Variants in METTL9 observed in about 807,000 individuals in gnomAD.
METTL9 encodes protein-L-histidine N-pros-methyltransferase.
A neutral mutation model predicts 36.0 loss-of-function variants in METTL9; 10 were observed. That is an observed-to-expected ratio of 0.28 (90% CI 0.17 to 0.47). The LOEUF (loss-of-function observed/expected upper bound fraction) is 0.47. Among genes scored for constraint, METTL9 ranks in the 20% least tolerant of loss-of-function variants. The pLI is 0.99. For missense variants in METTL9, 246 were observed against 383.5 expected, an observed-to-expected ratio of 0.64 and a Z score of 3.00; for synonymous variants, 175 against 149.7, an observed-to-expected ratio of 1.17 and a Z score of -1.23.
chr16:21,614,171 A>G (rs1206472061), intron 2 of METTL9, among the ~76,000 whole-genome samples: 1 of 152,144 alleles, frequency 6.6e-6, no homozygotes, highest in East Asian at 1.9e-4. Context: ...TTGAGTTGAT[A>G]CAACTTGGTC....
At chr16:21,654,407 A>G (rs1567351483) in intron 4 of METTL9, 1 of 152,202 alleles carries the variant, frequency 6.6e-6, no homozygotes, top group Non-Finnish European at 1.5e-5. Flanking sequence ...GCACCTAAAA[A>G]GTACCCCCAA....
chr16:21,629,192 G>C (rs13336658), intron 4 of METTL9, among the ~76,000 whole-genome samples: 1 of 152,130 alleles, frequency 6.6e-6, no homozygotes, highest in East Asian at 1.9e-4. Flanking sequence ...TTGTGTTATA[G>C]ACTGCGTGTT....
intron 4 of METTL9, chr16:21,643,066 A>T: frequency 1.3e-6 from 2 of 1,575,430 alleles, no homozygotes; most frequent in Admixed American, 1.7e-5. Flanking sequence ...TTGACATTTT[A>T]CACTTACAGA....
chr16:21,652,068 A>G (rs560492716), intron 4 of METTL9: 1 of 152,358 alleles, frequency 6.6e-6, no homozygotes, highest in East Asian at 1.9e-4. Flanking sequence ...AGATAAAAAA[A>G]CAGAAGTAGA....
rs369293779 is a variant in METTL9 at position 21,644,284 on chromosome 16, A to G, written c.752-10943A>G. 6.3e-6 allele frequency: 10 copies of G among 1,579,444 alleles called. No homozygotes were observed. The African/African-American group carries it at 1.3e-4, about 21-fold the overall frequency. ...GGGACATTCCATGCAAGAGGATTTG[A>G]CTTACTTTGGAGAGGAGTATGAAGG... On this transcript the variant is annotated intron_variant, in intron 4 of 4. Coordinates refer to ENST00000358154, the MANE Select transcript of METTL9 (RefSeq NM_016025.5).
chr16:21,607,416 G>A (rs540888905), intron 1 of METTL9, among the ~76,000 whole-genome samples: 3 of 152,240 alleles, frequency 2.0e-5, no homozygotes, highest in Non-Finnish European at 4.4e-5. Context: ...TAATAACTTC[G>A]GTTGGCGAAT....
intron 3 of METTL9, among the ~76,000 whole-genome samples, chr16:21,622,548 C>T (rs1965730671): frequency 6.6e-6 from 1 of 152,178 alleles, no homozygotes; most frequent in South Asian, 2.1e-4. Flanking sequence ...TTTAGAAATA[C>T]TGTTTTAGAA....
chr16:21,644,459 G>T lies in METTL9; in HGVS notation c.752-10768G>T. ...AAAGCCTATTCTTTCAAATACATGT[G>T]TAAAGTATCCTTCACACTGCGTTTT... On this transcript the variant is annotated intron_variant, in intron 4 of 4. Coordinates refer to ENST00000358154, the MANE Select transcript of METTL9 (RefSeq NM_016025.5). 4 of 1,175,216 alleles carry T rather than the reference G, an allele frequency of 3.4e-6. 1 individual carries two copies. The East Asian group carries it at 9.5e-5, about 28-fold the overall frequency. 72.8% of individuals were successfully genotyped at this position (1,175,216 alleles called of 1,614,324 possible).
At chr16:21,644,019 T>C (rs957211362) in intron 4 of METTL9, among the ~76,000 whole-genome samples, 4 of 152,130 alleles carry the variant, frequency 2.6e-5, no homozygotes, top group African/African-American at 9.7e-5. Flanking sequence ...AAAGATAGCA[T>C]AGTGGATGGC....
chr16:21,622,424 T>G (rs1158981944), intron 3 of METTL9, among the ~76,000 whole-genome samples: 1 of 152,054 alleles, frequency 6.6e-6, no homozygotes, highest in Non-Finnish European at 1.5e-5. Flanking sequence ...TGTTAGCTAC[T>G]GCACCTGACT....
chr16:21,643,235 C>A, intron 4 of METTL9: 1 of 1,067,866 alleles, frequency 9.4e-7, no homozygotes, highest in Admixed American at 1.8e-5. Context: ...ACTTTTCTTG[C>A]TCTATTGCCA....
intron 3 of METTL9, among the ~76,000 whole-genome samples, chr16:21,618,720 CT>C (rs1335944712): frequency 3.6e-4 from 53 of 145,902 alleles, no homozygotes; most frequent in Admixed American, 4.1e-4. Context: ...CTTTTCTTTT[CT>C]TTTTTTTTTT....
rs149205 is a variant in METTL9 at position 21,607,960 on chromosome 16, C to A, written c.166-4685C>A. Among the ~76,000 whole-genome samples, 1,403 of 152,200 alleles carry A rather than the reference C, an allele frequency of 9.2e-3. 46 individuals carry two copies. The highest frequency in any genetic ancestry group is 0.082 in the East Asian group (423 of 5,166). On this transcript the variant is annotated intron_variant, in intron 1 of 4. Coordinates refer to ENST00000358154, the MANE Select transcript of METTL9 (RefSeq NM_016025.5). ...GGTCAGGAGATCAAGACCAGCCTGGCCAACATGGTGAAACCCCATCTCTAC... is the reference window on the plus strand; with the variant it reads ...GGTCAGGAGATCAAGACCAGCCTGGACAACATGGTGAAACCCCATCTCTAC...
At chr16:21,647,380 A>G in intron 4 of METTL9, 3 of 1,614,144 alleles carry the variant, frequency 1.9e-6, no homozygotes, top group Non-Finnish European at 1.7e-6. Context: ...TTGGTTGCTC[A>G]GAAGGGCATC....
chr16:21,643,585 G>A lies in METTL9; in HGVS notation c.752-11642G>A, dbSNP rs938325492. 49 of 1,606,734 alleles carry A rather than the reference G, an allele frequency of 3.0e-5. 1 individual carries two copies. In the Admixed American group the frequency reaches 6.2e-4, roughly 20 times the overall value. On this transcript the variant is annotated intron_variant, in intron 4 of 4. Transcript: ENST00000358154. ...TTCTTTTATTTCTTTGTTTCTTAGAGGGTTGGATTTTGACTGCCAAGAAGA... is the reference window on the plus strand; with the variant it reads ...TTCTTTTATTTCTTTGTTTCTTAGAAGGTTGGATTTTGACTGCCAAGAAGA...
intron 4 of METTL9, among the ~76,000 whole-genome samples, chr16:21,637,507 C>T (rs1966131567): frequency 6.6e-6 from 1 of 152,234 alleles, no homozygotes; most frequent in African/African-American, 2.4e-5. Flanking sequence ...AAAAGTTCTC[C>T]AGGTCCCCAC....
At chr16:21,608,368 T>C (rs748897156) in intron 1 of METTL9, among the ~76,000 whole-genome samples, 2 of 152,180 alleles carry the variant, frequency 1.3e-5, no homozygotes, top group Non-Finnish European at 2.9e-5. Context: ...CCTTTAAGGC[T>C]CTGAAGCTCC....
intron 3 of METTL9, among the ~76,000 whole-genome samples, chr16:21,619,080 T>G (rs1357241952): frequency 6.6e-6 from 1 of 152,156 alleles, no homozygotes. Context: ...CAGTAGATAT[T>G]TGGGTTGTTT....
In METTL9 at chr16:21,639,703, G is replaced by A. The variant is rs555577638; in HGVS notation, c.751+14588G>A. The A allele has an allele frequency of 2.6e-5, 4 of 152,274 alleles. No homozygotes were observed. In the South Asian group the frequency reaches 6.2e-4, roughly 24 times the overall value. 9.4% of individuals were successfully genotyped at this position (152,274 alleles called of 1,614,324 possible). On this transcript the variant is annotated intron_variant, in intron 4 of 4. Transcript: ENST00000358154. ...CATGTGGCCCCACACATATACACAT[G>A]TGCACTCACGTGTACACACAGATAC...
Sources: gnomAD v4.1 joint callset for allele counts (sites outside exome capture counted in the v4.1 genomes callset) on GRCh38, gnomAD v4.1.1 for gene constraint, MANE v1.5 for transcripts, NCBI Gene and HGNC (gene_info 2026-07-23, HGNC 2026-07-21) for gene names.